The following DLGAP1 variants were observed in gnomAD, a reference collection of about 807,000 sequenced individuals.
The protein encoded by DLGAP1 is DLG associated protein 1, also known as disks large-associated protein 1.
Under a neutral mutation model 90.8 loss-of-function variants are expected in DLGAP1, and 11 were observed. That is an observed-to-expected ratio of 0.12 (90% CI 0.08 to 0.20). DLGAP1 has a LOEUF of 0.20. Ranked by LOEUF, DLGAP1 falls within the 10% of genes least tolerant of loss-of-function variation. The pLI, the probability that DLGAP1 is intolerant of heterozygous loss-of-function variation, is 1.00. For synonymous variants in DLGAP1, 558 were observed against 540.7 expected (o/e 1.03, Z -0.44); for missense variants, 1,050 against 1,333.8 (o/e 0.79, Z 3.31).
intron 5 of DLGAP1, among the ~76,000 whole-genome samples, chr18:3,788,624 C>G (rs139648343): frequency 1.3e-5 from 2 of 152,120 alleles, no homozygotes; most frequent in Non-Finnish European, 2.9e-5. Context: ...GGTCATTACA[C>G]GTTGGCAGGC....
intron 2 of DLGAP1, among the ~76,000 whole-genome samples, chr18:4,081,581 T>C (rs1053792797): frequency 2.6e-5 from 4 of 152,158 alleles, no homozygotes; most frequent in Non-Finnish European, 4.4e-5. Context: ...GGGATGAAGT[T>C]GTCTCATCTG....
chr18:4,255,598 G>A (rs1420835126), intron 1 of DLGAP1, among the ~76,000 whole-genome samples: 2 of 151,570 alleles, frequency 1.3e-5, no homozygotes, highest in Non-Finnish European at 2.9e-5. Flanking sequence ...TTAAGCATGG[G>A]GAAAAGAGCA....
intron 3 of DLGAP1, among the ~76,000 whole-genome samples, chr18:3,957,336 C>T (rs2073103634): frequency 6.6e-6 from 1 of 152,174 alleles, no homozygotes; most frequent in Non-Finnish European, 1.5e-5. Context: ...TGTAAAGGAA[C>T]ACAGCCCTGT....
At chr18:3,650,944 G>A (rs967793138) in intron 7 of DLGAP1, among the ~76,000 whole-genome samples, 4 of 151,636 alleles carry the variant, frequency 2.6e-5, no homozygotes, top group Non-Finnish European at 5.9e-5. Flanking sequence ...TGCGTGCCTG[G>A]AATCCCAGCT....
intron 8 of DLGAP1, among the ~76,000 whole-genome samples, chr18:3,578,256 A>G (rs1431171445): frequency 1.3e-5 from 2 of 152,222 alleles, no homozygotes; most frequent in Non-Finnish European, 2.9e-5. Context: ...CCTAAGAGAG[A>G]AAGCATGGAA....
chr18:4,058,943 C>T (rs1182518941), intron 2 of DLGAP1, among the ~76,000 whole-genome samples: 1 of 152,190 alleles, frequency 6.6e-6, no homozygotes, highest in African/African-American at 2.4e-5. Flanking sequence ...GTCATGGAGA[C>T]AAGGACATAG....
At chr18:3,873,758 C>T (rs1008792252) in intron 4 of DLGAP1, among the ~76,000 whole-genome samples, 11 of 151,982 alleles carry the variant, frequency 7.2e-5, no homozygotes, top group African/African-American at 2.7e-4. Flanking sequence ...TAAGCAGACC[C>T]CCACCCCCAA....
intron 3 of DLGAP1, chr18:3,891,787 A>G: frequency 6.6e-6 from 1 of 152,028 alleles, no homozygotes; most frequent in Admixed American, 6.6e-5. Flanking sequence ...ATTTTTTTTT[A>G]GAGAGAAGAT....
intron 4 of DLGAP1, chr18:3,822,081 C>T (rs1222389001): frequency 1.3e-6 from 1 of 752,448 alleles, no homozygotes; most frequent in East Asian, 1.3e-4. Flanking sequence ...ATGTGCAGAT[C>T]CCTAGGCATG....
chr18:3,752,637 CCT>C (rs2063551877), intron 5 of DLGAP1, among the ~76,000 whole-genome samples: 1 of 145,134 alleles, frequency 6.9e-6, no homozygotes, highest in African/African-American at 2.6e-5. Context: ...TCCCCACCCC[CCT>C]CTCTCTCTCT....
chr18:4,438,431 C>CAAAAAA (rs11389361), intron 1 of DLGAP1, among the ~76,000 whole-genome samples: 29 of 52,084 alleles, frequency 5.6e-4, no homozygotes, highest in East Asian at 7.3e-4. Context: ...GACTCCATCT[C>CAAAAAA]AAAAAAAAAA....
At chr18:4,237,964 A>G (rs2078454678) in intron 1 of DLGAP1, among the ~76,000 whole-genome samples, 1 of 152,196 alleles carries the variant, frequency 6.6e-6, no homozygotes, top group African/African-American at 2.4e-5. Context: ...TGTAGATGCC[A>G]TATGCCATTT....
chr18:3,616,591 CAA>C (rs59615387), intron 7 of DLGAP1, among the ~76,000 whole-genome samples: 2 of 127,608 alleles, frequency 1.6e-5, no homozygotes, highest in Non-Finnish European at 3.4e-5. Flanking sequence ...CTCCACAAAA[CAA>C]AAAAAAAAAA....
intron 3 of DLGAP1, among the ~76,000 whole-genome samples, chr18:3,883,845 T>C (rs978310071): frequency 6.6e-6 from 1 of 152,208 alleles, no homozygotes; most frequent in Non-Finnish European, 1.5e-5. Flanking sequence ...TATATACCTT[T>C]GACTTCTAAC....
intron 7 of DLGAP1, among the ~76,000 whole-genome samples, chr18:3,648,913 G>T (rs905027234): frequency 3.0e-4 from 45 of 152,190 alleles, no homozygotes; most frequent in African/African-American, 1.1e-3. Context: ...GGTAGGTTAT[G>T]GTGCTTGGGA....
intron 3 of DLGAP1, among the ~76,000 whole-genome samples, chr18:3,956,556 G>C (rs572794132): frequency 6.6e-6 from 1 of 152,192 alleles, no homozygotes; most frequent in East Asian, 1.9e-4. Context: ...CGCCGTGTTA[G>C]CCAGGATGGT....
intron 1 of DLGAP1, among the ~76,000 whole-genome samples, chr18:4,165,061 G>A (rs370430905): frequency 1.1e-3 from 171 of 152,144 alleles, no homozygotes; most frequent in Admixed American, 3.5e-3. Flanking sequence ...AGAGAGGGTG[G>A]GGCTGAAAGA....
At chr18:3,845,570 T>C (rs2068959942) in intron 4 of DLGAP1, 1 of 985,354 alleles carries the variant, frequency 1.0e-6, no homozygotes, top group Admixed American at 6.1e-5. Flanking sequence ...TTACAGAGTC[T>C]GGCATGCTCA....
At chr18:4,441,019 G>T (rs1012263610) in intron 1 of DLGAP1, among the ~76,000 whole-genome samples, 23 of 152,228 alleles carry the variant, frequency 1.5e-4, no homozygotes, top group African/African-American at 5.5e-4. Flanking sequence ...GAGGCAATGA[G>T]AACTTTCTTT....
Sources: allele counts gnomAD v4.1 joint callset (sites outside exome capture counted in the v4.1 genomes callset), GRCh38; gene constraint gnomAD v4.1.1; transcripts MANE v1.5; gene names NCBI Gene and HGNC (gene_info 2026-07-23, HGNC 2026-07-21).